The following LZIC variants were observed in gnomAD, a reference collection of about 807,000 sequenced individuals.
LZIC encodes protein LZIC.
LZIC carries 28 observed loss-of-function variants against 25.4 expected under a neutral mutation model. The ratio of observed to expected loss-of-function variants is 1.10; its 90% CI spans 0.82 to 1.51. The LOEUF is 1.51. Ranked by LOEUF, LZIC falls within the 40% of genes most tolerant of loss-of-function variation. LZIC has a pLI of 0.00. For synonymous variants in LZIC, 65 were observed against 70.7 expected, an observed-to-expected ratio of 0.92 and a Z score of 0.40; for missense variants, 170 against 211.1, an observed-to-expected ratio of 0.81 and a Z score of 1.21.
intron 2 of LZIC, among the ~76,000 whole-genome samples, chr1:9,938,228 C>T (rs1640546305): frequency 6.6e-6 from 1 of 152,086 alleles, no homozygotes; most frequent in Admixed American, 6.6e-5. Context: ...AGCACAGTGG[C>T]ACAATCATAG....
intron 2 of LZIC, among the ~76,000 whole-genome samples, chr1:9,941,823 C>G (rs533833750): frequency 6.6e-6 from 1 of 151,904 alleles, no homozygotes; most frequent in African/African-American, 2.4e-5. Context: ...ACACCAGCAT[C>G]CAGCACAATC....
intron 2 of LZIC, among the ~76,000 whole-genome samples, chr1:9,937,603 T>TA (rs1020455008): frequency 2.0e-5 from 3 of 151,376 alleles, no homozygotes; most frequent in Admixed American, 2.0e-4. Context: ...TCTCAACACT[T>TA]TGGGAGCCTG....
downstream of LZIC, among the ~76,000 whole-genome samples, chr1:9,923,344 G>A (rs1445635076): frequency 1.3e-5 from 2 of 151,828 alleles, no homozygotes; most frequent in Admixed American, 6.6e-5. Context: ...TGAGTAGCTG[G>A]GATTACAGGC....
At position 9,929,080 on chromosome 1, in the gene LZIC, G is replaced by C. The variant is rs1388833943; in HGVS notation, c.*1319C>G. ...TAGGTATAGGGCCTCCTTTGGGGGT[G>C]ATAAGAATGTTCTGCAACTAGAGAG... On this transcript the variant is annotated 3_prime_UTR_variant, in exon 8 of 8. Transcript: ENST00000377223. 1.3e-5 allele frequency: 2 copies of C among 158,130 alleles called. No homozygotes were observed. Among genetic ancestry groups the C allele is most frequent in the African/African-American group, 4.8e-5 (2 of 41,538 alleles). 9.8% of individuals were successfully genotyped at this position (158,130 alleles called of 1,614,324 possible). A position where few individuals can be genotyped will look rare whatever the true frequency, so the allele number is the denominator to read the frequency against.
chr1:9,941,718 C>T (rs371288802), intron 2 of LZIC, among the ~76,000 whole-genome samples: 33 of 150,844 alleles, frequency 2.2e-4, no homozygotes, highest in African/African-American at 7.8e-4. Context: ...AGGATGGTCT[C>T]GATCTCTTGC....
chr1:9,941,279 C>T (rs938938656), intron 2 of LZIC, among the ~76,000 whole-genome samples: 2 of 151,988 alleles, frequency 1.3e-5, no homozygotes, highest in Non-Finnish European at 2.9e-5. Flanking sequence ...ACTGCAACCT[C>T]TGCCTCCTGG....
chr1:9,925,036 G>A (rs1437571755), downstream of LZIC, among the ~76,000 whole-genome samples: 1 of 151,932 alleles, frequency 6.6e-6, no homozygotes, highest in Non-Finnish European at 1.5e-5. Flanking sequence ...TTACCACCGG[G>A]CGCAGTGGCT....
chr1:9,941,788 C>A (rs1640753918), intron 2 of LZIC, among the ~76,000 whole-genome samples: 1 of 152,190 alleles, frequency 6.6e-6, no homozygotes, highest in African/African-American at 2.4e-5. Context: ...TGAGCCACCG[C>A]ACCCGGCCTT....
At chr1:9,931,848 A>G (rs762764794) in intron 7 of LZIC, 43 bp downstream of exon 7, 2 of 1,281,470 alleles carry the variant, frequency 1.6e-6, no homozygotes, top group East Asian at 4.6e-5. Flanking sequence ...GTAATATATG[A>G]CAGTAGTATA....
In LZIC at chr1:9,934,834, G is replaced by A. The variant is rs1228907396; in HGVS notation, c.264C>T (p.Ala88=). The part of the protein sequence containing the change: ...QLAIQAAISQ[A]FKTPEVIRLF... ...ATCTGATGACCTCTGGGGTTTTAAA[G>A]GCCTGGCTGATAGCTGCCTGAATAG... The change falls in exon 5 of 8, where the codon GCC becomes GCT. Residue 88 remains alanine, a synonymous_variant. Transcript: ENST00000377223. The A allele has an allele frequency of 6.2e-7, 1 of 1,614,106 alleles. No individual in the cohort carries two copies. Among genetic ancestry groups the A allele is most frequent in the Non-Finnish European group, 8.5e-7 (1 of 1,180,002 alleles).
In LZIC at chr1:9,928,049, T is replaced by C. The variant is rs1459728065; in HGVS notation, c.*2350A>G. Among the ~76,000 whole-genome samples, 1 of 152,108 alleles carries C rather than the reference T, an allele frequency of 6.6e-6. No individual in the cohort carries two copies. The highest frequency in any genetic ancestry group is 1.9e-4 in the East Asian group (1 of 5,186). The stretch of plus-strand genomic sequence containing the variant: ...GGCTCAGGCCGGGTATGGTGGCTCA[T>C]GCCTGTAATCATCCCAGCACTCTGG... On this transcript the variant is annotated 3_prime_UTR_variant, in exon 8 of 8. Transcript: ENST00000377223.
At position 9,933,656 on chromosome 1, in the gene LZIC, A is replaced by G. The variant is rs145338210; in HGVS notation, c.337-758T>C. Among the ~76,000 whole-genome samples, 1,203 of 152,240 alleles carry G rather than the reference A, an allele frequency of 7.9e-3. 11 individuals are homozygous for G. The highest frequency in any genetic ancestry group is 0.028 in the African/African-American group (1,150 of 41,532). ...TACAGTGGCTCATGCCTGTAATCCC[A>G]CCACTTTGGAAGGCTGAGGTGGGTG... On this transcript the variant is annotated intron_variant, in intron 5 of 7. Coordinates refer to ENST00000377223, the MANE Select transcript of LZIC (RefSeq NM_032368.5).
At position 9,930,239 on chromosome 1, in the gene LZIC, A is replaced by G; in HGVS notation, c.*160T>C. 4.0e-6 allele frequency: 6 copies of G among 1,490,108 alleles called. No homozygotes were observed. Among genetic ancestry groups the G allele is most frequent in the Non-Finnish European group, 4.5e-6 (5 of 1,121,684 alleles). The allele number at this position is 1,490,108 out of a possible 1,614,324, so 92.3% of individuals were successfully genotyped here. ...CCGCACACAACGCACAATGATGAAG[A>G]GCATAAACACAAGCCATAAGTATAT... On this transcript the variant is annotated 3_prime_UTR_variant, in exon 8 of 8. Coordinates refer to ENST00000377223, the MANE Select transcript of LZIC (RefSeq NM_032368.5).
chr1:9,929,572 T>C lies in LZIC; in HGVS notation c.*827A>G. Reference sequence around the variant, plus strand: ...CACAGGGAGGGCCTCTAGCTGCCATTTCCTGTTGCTTCCCTGGTCAAACAA... The same window carrying C: ...CACAGGGAGGGCCTCTAGCTGCCATCTCCTGTTGCTTCCCTGGTCAAACAA... On this transcript the variant is annotated 3_prime_UTR_variant, in exon 8 of 8. Transcript: ENST00000377223. The C allele has an allele frequency of 1.0e-6, 1 of 985,404 alleles. No homozygotes were observed. The highest frequency in any genetic ancestry group is 1.2e-6 in the Non-Finnish European group (1 of 829,920). 61.0% of individuals were successfully genotyped at this position (985,404 alleles called of 1,614,324 possible). A position where few individuals can be genotyped will look rare whatever the true frequency, so the allele number is the denominator to read the frequency against.
downstream of LZIC, among the ~76,000 whole-genome samples, chr1:9,923,515 C>CTTA: frequency 1.0e-5 from 1 of 98,188 alleles, no homozygotes; most frequent in Non-Finnish European, 1.9e-5. Context: ...TGGCCCAATG[C>CTTA]TTCTTTTTTT....
Position 9,935,546 on chromosome 1 carries a change from C to G in LZIC, c.183G>C (p.Lys61Asn). ...EQLSEFNDSL[K>N]KIMSGNMTLV... is the part of the protein sequence containing the mutation. The stretch of plus-strand genomic sequence containing the variant: ...AAGTCATATTTCCAGACATAATTTT[C>G]TTTAGTGAATCATTAAATTCACTTA... The change falls in exon 4 of 8, where the codon AAG becomes AAC. Residue 61 changes from lysine to asparagine, a missense_variant. Transcript: ENST00000377223. The G allele has an allele frequency of 6.2e-7, 1 of 1,612,570 alleles. No individual in the cohort carries two copies. The highest frequency in any genetic ancestry group is 8.5e-7 in the Non-Finnish European group (1 of 1,179,568).
At chr1:9,930,901 G>C (rs1488147115) in intron 7 of LZIC, among the ~76,000 whole-genome samples, 1 of 151,686 alleles carries the variant, frequency 6.6e-6, no homozygotes, top group Non-Finnish European at 1.5e-5. Flanking sequence ...TTGTGTTTTT[G>C]GTAGAGAGGG....
At chr1:9,933,283 A>AATAT (rs772364108) in intron 5 of LZIC, among the ~76,000 whole-genome samples, 6,400 of 57,968 alleles carry the variant, frequency 0.11, 294 homozygotes, top group Middle Eastern at 0.16. Context: ...AAAAAAAAAA[A>AATAT]ATATATATAT....
At chr1:9,939,482 G>A (rs1484836937) in intron 2 of LZIC, among the ~76,000 whole-genome samples, 1 of 145,794 alleles carries the variant, frequency 6.9e-6, no homozygotes, top group Non-Finnish European at 1.5e-5. Context: ...CTGGGCTCAA[G>A]TGATTCTCCT....
Sources: allele counts gnomAD v4.1 joint callset (sites outside exome capture counted in the v4.1 genomes callset), GRCh38; gene constraint gnomAD v4.1.1; transcripts MANE v1.5; gene names NCBI Gene and HGNC (gene_info 2026-07-23, HGNC 2026-07-21).